ANKRD30BL: variants seen among roughly 807,000 people sequenced by gnomAD.
ANKRD30BL encodes ankyrin repeat domain 30B like.
ANKRD30BL carries 20 observed loss-of-function variants against 18.4 expected under a neutral mutation model. That is an observed-to-expected ratio of 1.09 (90% CI 0.77 to 1.58). The LOEUF (loss-of-function observed/expected upper bound fraction) is 1.58, where lower values mean the gene tolerates loss of function less well. Among genes scored for constraint, ANKRD30BL ranks in the 40% most tolerant of loss-of-function variants. The pLI, the probability that ANKRD30BL is intolerant of heterozygous loss-of-function variation, is 0.00. For missense variants in ANKRD30BL, 224 were observed against 268.6 expected (o/e 0.83, Z 1.16); for synonymous variants, 72 against 100.9 (o/e 0.71, Z 1.72).
At chr2:132,191,104 A>C (rs2104738106) in intron 1 of ANKRD30BL, among the ~76,000 whole-genome samples, 1 of 152,324 alleles carries the variant, frequency 6.6e-6, no homozygotes, top group Admixed American at 6.5e-5. Context: ...TCCTTACAAA[A>C]ACCTCTGGCT....
chr2:132,236,393 T>A (rs1272628134), intron 1 of ANKRD30BL, among the ~76,000 whole-genome samples: 1 of 151,874 alleles, frequency 6.6e-6, no homozygotes, highest in African/African-American at 2.4e-5. Flanking sequence ...AGGGCTAATA[T>A]CCAGAATCTA....
chr2:132,249,698 C>T (rs61059478), intron 1 of ANKRD30BL, among the ~76,000 whole-genome samples: 1 of 152,206 alleles, frequency 6.6e-6, no homozygotes, highest in Non-Finnish European at 1.5e-5. Flanking sequence ...TTTGCCGATT[C>T]TACAAAAATA....
At chr2:132,182,060 G>C (rs1688474330) in intron 1 of ANKRD30BL, among the ~76,000 whole-genome samples, 1 of 151,998 alleles carries the variant, frequency 6.6e-6, no homozygotes, top group South Asian at 2.1e-4. Flanking sequence ...GTTGCTGTGA[G>C]CTGAGATTGC....
intron 1 of ANKRD30BL, among the ~76,000 whole-genome samples, chr2:132,231,677 C>T (rs200252873): frequency 1.8e-4 from 27 of 152,140 alleles, no homozygotes; most frequent in Non-Finnish European, 3.7e-4. Flanking sequence ...GCACCTGGCT[C>T]GGAGGGTCCT....
At chr2:132,228,907 G>C (rs201133775) in intron 1 of ANKRD30BL, among the ~76,000 whole-genome samples, 2 of 149,978 alleles carry the variant, frequency 1.3e-5, no homozygotes, top group African/African-American at 2.5e-5. Flanking sequence ...ACATTTTGAA[G>C]GCTTTGAGGC....
At chr2:132,162,186 G>C (rs956837871), upstream of ANKRD30BL, among the ~76,000 whole-genome samples, 6 of 152,142 alleles carry the variant, frequency 3.9e-5, no homozygotes, top group African/African-American at 1.4e-4. Context: ...CTGGCGCTGG[G>C]CATCGTGCAG....
chr2:132,177,297 G>A (rs1421695965), intron 1 of ANKRD30BL, among the ~76,000 whole-genome samples: 1 of 152,090 alleles, frequency 6.6e-6, no homozygotes, highest in Non-Finnish European at 1.5e-5. Context: ...TGGACTACAA[G>A]TGTGCACCAC....
At chr2:132,219,221 T>G (rs1232206057) in intron 1 of ANKRD30BL, among the ~76,000 whole-genome samples, 4 of 151,882 alleles carry the variant, frequency 2.6e-5, no homozygotes, top group Non-Finnish European at 4.4e-5. Context: ...TTGGACATAC[T>G]GTATCATAGA....
chr2:132,198,299 TCTTTCTTTCTTTCTTTCTTTCTTTC>T lies in ANKRD30BL; in HGVS notation n.442-41178_442-41154del, dbSNP rs1558928491. On this transcript the variant is annotated intron_variant and non_coding_transcript_variant, in intron 1 of 4. Coordinates refer to the ANKRD30BL transcript ENST00000470729. ...TTCTTTCTTTCTTTCTTTCTTTCTT[TCTTTCTTTCTTTCTTTCTTTCTTTC>T]TTTTTTTTTTTTTTTTTTAGACAGA... Among the ~76,000 whole-genome samples the T allele has an allele frequency of 4.7e-3, 60 of 12,770 alleles. 3 individuals carry two copies. Among genetic ancestry groups the T allele is most frequent in the African/African-American group, 6.9e-3 (38 of 5,482 alleles). The allele number at this position is 12,770 out of a possible 152,430, so 8.4% of individuals were successfully genotyped here.
At chr2:132,166,419 C>T (rs1688188124), upstream of ANKRD30BL, among the ~76,000 whole-genome samples, 1 of 150,580 alleles carries the variant, frequency 6.6e-6, no homozygotes, top group African/African-American at 2.4e-5. Flanking sequence ...GCCATTTGGG[C>T]CTGGAAACAT....
intron 1 of ANKRD30BL, among the ~76,000 whole-genome samples, chr2:132,216,506 A>C (rs1237278507): frequency 6.6e-6 from 1 of 151,842 alleles, no homozygotes; most frequent in Admixed American, 6.6e-5. Flanking sequence ...TTTGAGGCCT[A>C]TGGTGGAAAA....
In ANKRD30BL at chr2:132,186,002, G is replaced by T. The variant is rs148423535; in HGVS notation, n.442-28856C>A. 7.9e-3 allele frequency among the ~76,000 whole-genome samples: 1,207 copies of T among 151,936 alleles called. 10 individuals are homozygous for T. The highest frequency in any genetic ancestry group is 0.027 in the African/African-American group (1,125 of 41,468). ...CTAAAAATACAAAAATTAACCAGGC[G>T]TGGTGGCATGCTACTCTAATCCCAC... On this transcript the variant is annotated intron_variant and non_coding_transcript_variant, in intron 1 of 4. Transcript: ENST00000470729.
chr2:132,153,298 G>C (rs1002571751), intron 4 of ANKRD30BL, among the ~76,000 whole-genome samples: 2 of 152,124 alleles, frequency 1.3e-5, no homozygotes, highest in African/African-American at 4.8e-5. Flanking sequence ...TGGACTTTTC[G>C]AGACCCAAAT....
At chr2:132,219,498 T>A (rs564012936) in intron 1 of ANKRD30BL, among the ~76,000 whole-genome samples, 1 of 151,402 alleles carries the variant, frequency 6.6e-6, no homozygotes, top group South Asian at 2.1e-4. Context: ...CAATAAAAAC[T>A]AGAGAGAATA....
chr2:132,253,681 C>T (rs1680731467), intron 1 of ANKRD30BL, among the ~76,000 whole-genome samples: 1 of 151,974 alleles, frequency 6.6e-6, no homozygotes, highest in African/African-American at 2.4e-5. Flanking sequence ...GGGCGGGCCC[C>T]TCCTGAACGG....
At chr2:132,171,972 C>A (rs556859080) in intron 1 of ANKRD30BL, among the ~76,000 whole-genome samples, 31 of 152,314 alleles carry the variant, frequency 2.0e-4, no homozygotes, top group Non-Finnish European at 5.9e-5. Context: ...CCTTTTGCAT[C>A]TGGATTATTT....
At position 132,210,402 on chromosome 2, in the gene ANKRD30BL, A is replaced by T. The variant is rs1211589695; in HGVS notation, n.441+47127T>A. Among the ~76,000 whole-genome samples the T allele has an allele frequency of 2.0e-5, 3 of 152,254 alleles. No individual in the cohort carries two copies. The East Asian group carries it at 5.8e-4, about 29-fold the overall frequency. On this transcript the variant is annotated intron_variant and non_coding_transcript_variant, in intron 1 of 4. Coordinates refer to the ANKRD30BL transcript ENST00000470729. The stretch of plus-strand genomic sequence containing the variant: ...AAAAACTGGATGGAAGCATTCTGAG[A>T]AACTTCTTTGTGATTTGTGCATTCA...
intron 1 of ANKRD30BL, among the ~76,000 whole-genome samples, chr2:132,194,277 G>C (rs1452986222): frequency 1.3e-5 from 2 of 152,186 alleles, no homozygotes; most frequent in Non-Finnish European, 2.9e-5. Context: ...TGAAGAACCT[G>C]TTTGGACAAA....
In ANKRD30BL at chr2:132,175,732, G is replaced by C. The variant is rs1488184423; in HGVS notation, n.442-18586C>G. On this transcript the variant is annotated intron_variant and non_coding_transcript_variant, in intron 1 of 4. Transcript: ENST00000470729. ...TCCCTGCGGCTTTCCGCAGTGCATT[G>C]TGCCCCTGGTTTATCGAGACTAGAG... Among the ~76,000 whole-genome samples the C allele has an allele frequency of 2.6e-5, 4 of 152,222 alleles. No individual in the cohort carries two copies. In the East Asian group the frequency reaches 7.7e-4, roughly 29 times the overall value.
Sources: gnomAD v4.1 joint callset for allele counts (sites outside exome capture counted in the v4.1 genomes callset) on GRCh38, gnomAD v4.1.1 for gene constraint, MANE v1.5 for transcripts, NCBI Gene and HGNC (gene_info 2026-07-23, HGNC 2026-07-21) for gene names.